CA8: variants seen among roughly 807,000 people sequenced by gnomAD.
The protein encoded by CA8 is carbonic anhydrase 8 (inactive).
Under a neutral mutation model 41.4 loss-of-function variants are expected in CA8, and 22 were observed. The observed-to-expected ratio is 0.53, with a 90% CI of 0.38 to 0.76. The LOEUF (loss-of-function observed/expected upper bound fraction) is 0.76, where lower values mean the gene tolerates loss of function less well. Among genes scored for constraint, CA8 ranks in the 30% least tolerant of loss-of-function variants. The pLI is 0.00. For missense variants in CA8, 270 were observed against 352.8 expected, an observed-to-expected ratio of 0.77 and a Z score of 1.88; for synonymous variants, 121 against 130.6, an observed-to-expected ratio of 0.93 and a Z score of 0.50.
intron 2 of CA8, among the ~76,000 whole-genome samples, chr8:60,269,820 A>G (rs1804012561): frequency 6.6e-6 from 1 of 152,182 alleles, no homozygotes; most frequent in Admixed American, 6.5e-5. Context: ...AGTAAACTGA[A>G]TAGTCTAAAT....
chr8:60,212,683 T>C, intron 7 of CA8, among the ~76,000 whole-genome samples: 1 of 152,308 alleles, frequency 6.6e-6, no homozygotes, highest in Non-Finnish European at 1.5e-5. Flanking sequence ...GTACAAAATT[T>C]CAGTTATGCA....
chr8:60,233,375 T>C (rs1355148304), intron 3 of CA8, among the ~76,000 whole-genome samples: 3 of 152,164 alleles, frequency 2.0e-5, no homozygotes, highest in African/African-American at 7.2e-5. Context: ...ACTGCTGAAT[T>C]TACCCAGGTA....
chr8:60,242,856 C>T (rs998717927), intron 3 of CA8, among the ~76,000 whole-genome samples: 1 of 152,202 alleles, frequency 6.6e-6, no homozygotes, highest in Non-Finnish European at 1.5e-5. Flanking sequence ...AAAGGTCTAG[C>T]GCCCCACTTT....
chr8:60,242,620 C>T (rs557026227), intron 3 of CA8, among the ~76,000 whole-genome samples: 1 of 152,068 alleles, frequency 6.6e-6, no homozygotes, highest in Non-Finnish European at 1.5e-5. Context: ...ATGCCAGCCA[C>T]ACACCTGGTG....
chr8:60,231,876 G>A (rs1448408906), intron 4 of CA8, among the ~76,000 whole-genome samples: 2 of 152,110 alleles, frequency 1.3e-5, no homozygotes, highest in African/African-American at 4.8e-5. Flanking sequence ...TCATCTCAGA[G>A]TGAAAATTGT....
chr8:60,193,192 C>T (rs1806185695), intron 8 of CA8, among the ~76,000 whole-genome samples: 1 of 152,126 alleles, frequency 6.6e-6, no homozygotes, highest in Non-Finnish European at 1.5e-5. Flanking sequence ...AAGTGTTCTA[C>T]GTGCTCATAA....
At chr8:60,224,201 C>T (rs1807346525) in intron 6 of CA8, among the ~76,000 whole-genome samples, 1 of 152,166 alleles carries the variant, frequency 6.6e-6, no homozygotes. Context: ...CCTGCTTCAG[C>T]CTCCTGAGTA....
rs548123166 is a variant in CA8 at position 60,190,955 on chromosome 8, T to C, written c.*36-970A>G. On this transcript the variant is annotated intron_variant, in intron 8 of 8. Transcript: ENST00000317995. ...CACACACACTATATATATATATATA[T>C]ATACACACACACATTTCTACATATG... Among the ~76,000 whole-genome samples the C allele has an allele frequency of 1.4e-4, 16 of 116,826 alleles. 1 individual carries two copies. Among genetic ancestry groups the C allele is most frequent in the African/African-American group, 3.8e-4 (11 of 28,824 alleles). The allele number at this position is 116,826 out of a possible 152,430, so 76.6% of individuals were successfully genotyped here.
chr8:60,277,348 G>A (rs1804273355), intron 2 of CA8, among the ~76,000 whole-genome samples: 2 of 151,762 alleles, frequency 1.3e-5, no homozygotes, highest in African/African-American at 4.9e-5. Flanking sequence ...GGCAGAAAGA[G>A]TATTATTCAC....
At chr8:60,221,725 A>T (rs1807258092) in intron 7 of CA8, among the ~76,000 whole-genome samples, 2 of 152,232 alleles carry the variant, frequency 1.3e-5, no homozygotes, top group Admixed American at 1.3e-4. Context: ...TGAGTGGGGA[A>T]ATTTTTAAAT....
chr8:60,225,328 T>C (rs113221737), intron 5 of CA8, among the ~76,000 whole-genome samples: 75 of 152,282 alleles, frequency 4.9e-4, no homozygotes, highest in African/African-American at 1.6e-3. Context: ...GGGAAAGTTA[T>C]TGCATAACCT....
intron 8 of CA8, among the ~76,000 whole-genome samples, chr8:60,197,576 A>T (rs1806317009): frequency 6.6e-6 from 1 of 152,188 alleles, no homozygotes; most frequent in African/African-American, 2.4e-5. Flanking sequence ...TCACACAACT[A>T]ATTACTGGTG....
intron 3 of CA8, 49 bp from the exon 4 acceptor site, chr8:60,232,428 A>C: frequency 8.0e-7 from 1 of 1,254,624 alleles, no homozygotes; most frequent in Non-Finnish European, 1.2e-6. Context: ...TGCTACTTCT[A>C]ATCATAAAAG....
chr8:60,237,215 CTT>C (rs1256901794), intron 3 of CA8, among the ~76,000 whole-genome samples: 21 of 152,360 alleles, frequency 1.4e-4, no homozygotes, highest in African/African-American at 5.1e-4. Flanking sequence ...TCACTAACTT[CTT>C]TCAGCATGTC....
chr8:60,224,679 C>A (rs1585872714), intron 5 of CA8, 94 bp from the exon 6 acceptor site: 3 of 806,880 alleles, frequency 3.7e-6, no homozygotes, highest in Non-Finnish European at 6.3e-6. Flanking sequence ...AGAATGAAGT[C>A]TTTTCTGAAT....
chr8:60,205,588 G>A (rs1374434673), intron 8 of CA8, among the ~76,000 whole-genome samples: 5 of 152,078 alleles, frequency 3.3e-5, no homozygotes, highest in African/African-American at 9.7e-5. Context: ...AATTAGCACC[G>A]CTGAACCAAA....
rs199747452 is a variant in CA8 at position 60,232,261 on chromosome 8, G to A, written c.513+23C>T. Reference sequence around the variant, plus strand: ...AGAAATTAGCATCTCTAAACAATACGATAATCACAGCAGACCGTTTACCTG... The same window carrying A: ...AGAAATTAGCATCTCTAAACAATACAATAATCACAGCAGACCGTTTACCTG... On this transcript the variant is annotated intron_variant, in intron 4 of 8. Coordinates refer to ENST00000317995, the MANE Select transcript of CA8 (RefSeq NM_004056.6). 1,985 of 1,557,552 alleles carry A rather than the reference G, an allele frequency of 1.3e-3. 2 individuals are homozygous for A. Among genetic ancestry groups the A allele is most frequent in the Non-Finnish European group, 1.7e-3 (1,883 of 1,128,482 alleles).
At chr8:60,192,639 G>A (rs926515031) in intron 8 of CA8, among the ~76,000 whole-genome samples, 3 of 152,078 alleles carry the variant, frequency 2.0e-5, no homozygotes, top group Non-Finnish European at 2.9e-5. Context: ...GAAAATGTGT[G>A]TGTGCATGCA....
In CA8 at chr8:60,233,508, G is replaced by A. The variant is rs142694310; in HGVS notation, c.418-1129C>T. On this transcript the variant is annotated intron_variant, in intron 3 of 8. Coordinates refer to ENST00000317995, the MANE Select transcript of CA8 (RefSeq NM_004056.6). Reference sequence around the variant, plus strand: ...CTCAGCCAGGTCAGGCTGTGAGGCTGTGAAAAACTCACAGAGACTGTGACT... The same window carrying A: ...CTCAGCCAGGTCAGGCTGTGAGGCTATGAAAAACTCACAGAGACTGTGACT... Among the ~76,000 whole-genome samples, 248 of 152,330 alleles carry A rather than the reference G, an allele frequency of 1.6e-3. 2 individuals carry two copies. The highest frequency in any genetic ancestry group is 5.7e-3 in the African/African-American group (236 of 41,576).
Sources: gnomAD v4.1 joint callset for allele counts (sites outside exome capture counted in the v4.1 genomes callset) on GRCh38, gnomAD v4.1.1 for gene constraint, MANE v1.5 for transcripts, NCBI Gene and HGNC (gene_info 2026-07-23, HGNC 2026-07-21) for gene names.